Variants in EBF3 observed in about 807,000 individuals in gnomAD.
EBF3 encodes transcription factor COE3.
In EBF3, 18 loss-of-function variants were observed where a neutral mutation model predicts 77.1. That is an observed-to-expected ratio of 0.23 (90% CI 0.16 to 0.35). EBF3 has a LOEUF of 0.35. Among genes scored for constraint, EBF3 ranks in the 10% least tolerant of loss-of-function variants. The pLI is 1.00. For synonymous variants in EBF3, 350 were observed against 343.5 expected (o/e 1.02, Z -0.21); for missense variants, 558 against 860.0 (o/e 0.65, Z 4.39).
At position 129,938,853 on chromosome 10, in the gene EBF3, G is replaced by A. The variant is rs1014773997; in HGVS notation, c.554+18405C>T. On this transcript the variant is annotated intron_variant, in intron 6 of 16. Transcript: ENST00000440978. The surrounding 1 kb of genome is among the most constrained non-coding windows in gnomAD (Gnocchi z 5.1). ...CAGAACTTTGGGGCAGAACCAGGAA[G>A]AACCCACTGCAGGCCTTCTGGATCC... Among the ~76,000 whole-genome samples, 3 of 152,186 alleles carry A rather than the reference G, an allele frequency of 2.0e-5. No individual in the cohort carries two copies. Among genetic ancestry groups the A allele is most frequent in the African/African-American group, 7.2e-5 (3 of 41,444 alleles).
chr10:129,841,044 C>CCCT lies in EBF3; in HGVS notation c.1373-13_1373-12insAGG. 6.3e-7 allele frequency: 1 copy of CCCT among 1,599,490 alleles called. No homozygotes were observed. Among genetic ancestry groups the CCCT allele is most frequent in the East Asian group, 2.2e-5 (1 of 44,716 alleles). ...GCGACTGTAGCCGACTGTTGAAATC[C>CCCT]CCCCCCCGGCCAAAAATAACATTAT... On this transcript the variant is annotated splice_polypyrimidine_tract_variant and intron_variant, in intron 13 of 16. Coordinates refer to ENST00000440978, the MANE Select transcript of EBF3 (RefSeq NM_001375380.1). This position sits in a 1 kb window ranked among gnomAD's most constrained non-coding sequence, Gnocchi z 4.6.
intron 8 of EBF3, 141 bp downstream of exon 8, chr10:129,873,311 A>G (rs1332650246): frequency 9.8e-7 from 1 of 1,019,324 alleles, no homozygotes; most frequent in East Asian, 3.2e-5. Context: ...CCTCGGGGAC[A>G]CCCCCTCATC....
chr10:129,934,340 G>A (rs1564904007), intron 6 of EBF3, among the ~76,000 whole-genome samples: 1 of 152,064 alleles, frequency 6.6e-6, no homozygotes, highest in Non-Finnish European at 1.5e-5. Flanking sequence ...GGTCCAGCGG[G>A]TACTGAGGAG....
chr10:129,897,031 C>T lies in EBF3; in HGVS notation c.555-19182G>A, dbSNP rs949251436. Among the ~76,000 whole-genome samples the T allele has an allele frequency of 2.0e-5, 3 of 152,238 alleles. No individual in the cohort carries two copies. The highest frequency in any genetic ancestry group is 4.4e-5 in the Non-Finnish European group (3 of 68,048). On this transcript the variant is annotated intron_variant, in intron 6 of 16. Transcript: ENST00000440978. This position sits in a 1 kb window ranked among gnomAD's most constrained non-coding sequence, Gnocchi z 4.6. ...ACTAATCAAGCATCGAGGACAGGCA[C>T]CGCCAGCCTGATTGCCAGCCATGGC... is the stretch of plus-strand genomic sequence containing the variant.
At chr10:129,919,404 G>T (rs938703101) in intron 6 of EBF3, among the ~76,000 whole-genome samples, 1 of 152,106 alleles carries the variant, frequency 6.6e-6, no homozygotes, top group East Asian at 1.9e-4. Context: ...GCTGGGGAAG[G>T]TGACGAGGCC....
intron 6 of EBF3, among the ~76,000 whole-genome samples, chr10:129,891,976 C>T (rs1854048412): frequency 6.6e-6 from 1 of 152,232 alleles, no homozygotes; most frequent in African/African-American, 2.4e-5. Context: ...AAACCTTTTC[C>T]TCTCAGCTGA....
At chr10:129,951,082 T>A (rs1176750550) in intron 6 of EBF3, among the ~76,000 whole-genome samples, 1 of 152,234 alleles carries the variant, frequency 6.6e-6, no homozygotes, top group Non-Finnish European at 1.5e-5. Flanking sequence ...GTGAGCCACC[T>A]ATGCCTAGCA....
chr10:129,943,648 G>C lies in EBF3; in HGVS notation c.554+13610C>G, dbSNP rs1338543992. Among the ~76,000 whole-genome samples the C allele has an allele frequency of 1.3e-5, 2 of 152,090 alleles. No homozygotes were observed. Among genetic ancestry groups the C allele is most frequent in the African/African-American group, 2.4e-5 (1 of 41,380 alleles). On this transcript the variant is annotated intron_variant, in intron 6 of 16. Coordinates refer to ENST00000440978, the MANE Select transcript of EBF3 (RefSeq NM_001375380.1). This position sits in a 1 kb window ranked among gnomAD's most constrained non-coding sequence, Gnocchi z 8.8. ...GCACATCCAAAGTTTGAGTGTGTGA[G>C]ACTTTTCCTCATTTATTTTCCTTCA...
rs1851836926 is a variant in EBF3 at position 129,864,209 on chromosome 10, C to T, written c.1039+2932G>A. Reference sequence around the variant, plus strand: ...GCTGGAGGGCAACAGGAACAGGCTACAGACAGGAGAGAGCTGCCCCCTCCC... The same window carrying T: ...GCTGGAGGGCAACAGGAACAGGCTATAGACAGGAGAGAGCTGCCCCCTCCC... On this transcript the variant is annotated intron_variant, in intron 10 of 16. Transcript: ENST00000440978. This position sits in a 1 kb window ranked among gnomAD's most constrained non-coding sequence, Gnocchi z 4.4. 6.6e-6 allele frequency among the ~76,000 whole-genome samples: 1 copy of T among 152,146 alleles called. No homozygotes were observed. Among genetic ancestry groups the T allele is most frequent in the African/African-American group, 2.4e-5 (1 of 41,438 alleles).
At chr10:129,957,377 G>A (rs1448638460) in intron 5 of EBF3, 51 bp from the exon 6 acceptor site, 1 of 1,440,074 alleles carries the variant, frequency 6.9e-7, no homozygotes, top group South Asian at 1.3e-5. Context: ...CCCCTTTTAT[G>A]CCCGACTTGT....
intron 6 of EBF3, among the ~76,000 whole-genome samples, chr10:129,917,251 C>G (rs1855942061): frequency 6.6e-6 from 1 of 152,150 alleles, no homozygotes; most frequent in African/African-American, 2.4e-5. Flanking sequence ...CGCCTGTAGT[C>G]CCAGCTACTT....
chr10:129,894,596 A>G (rs1372476548), intron 6 of EBF3, among the ~76,000 whole-genome samples: 2 of 152,082 alleles, frequency 1.3e-5, no homozygotes, highest in African/African-American at 4.8e-5. Context: ...CTCTGCTTGG[A>G]AGCTCACTGA....
intron 6 of EBF3, among the ~76,000 whole-genome samples, 181 bp downstream of exon 6, chr10:129,957,077 G>A (rs1859092534): frequency 1.3e-5 from 2 of 152,142 alleles, no homozygotes; most frequent in Non-Finnish European, 2.9e-5. Flanking sequence ...CACAGAGCGA[G>A]CCACCAGGTT....
intron 6 of EBF3, among the ~76,000 whole-genome samples, chr10:129,934,504 C>T (rs1857229814): frequency 6.6e-6 from 1 of 152,194 alleles, no homozygotes; most frequent in Non-Finnish European, 1.5e-5. Context: ...TCCCCCAGGT[C>T]CCCCTCCTGC....
rs1291799428 is a variant in EBF3 at position 129,863,439 on chromosome 10, A to G, written c.1039+3702T>C. 4.6e-5 allele frequency among the ~76,000 whole-genome samples: 7 copies of G among 152,306 alleles called. No individual in the cohort carries two copies. The highest frequency in any genetic ancestry group is 3.4e-3 in the Middle Eastern group (1 of 294). On this transcript the variant is annotated intron_variant, in intron 10 of 16. Transcript: ENST00000440978. The surrounding 1 kb of genome is among the most constrained non-coding windows in gnomAD (Gnocchi z 4.0). ...GACTAATAGGGTCTGGTTCAGAAAA[A>G]TCTGGTGTTTCTCAGATCACTGTAA... is the stretch of plus-strand genomic sequence containing the variant.
In EBF3 at chr10:129,859,806, C is replaced by T. The variant is rs145782547; in HGVS notation, c.1039+7335G>A. 5.1e-3 allele frequency among the ~76,000 whole-genome samples: 774 copies of T among 152,308 alleles called. 3 individuals are homozygous for T. Among genetic ancestry groups the T allele is most frequent in the African/African-American group, 0.018 (749 of 41,572 alleles). On this transcript the variant is annotated intron_variant, in intron 10 of 16. Coordinates refer to ENST00000440978, the MANE Select transcript of EBF3 (RefSeq NM_001375380.1). ...GTTAGCACTGGGCCTGATGTCCAGCCGTGTAGATTTGGTGGGAGGGAGCTT... is the reference window on the plus strand; with the variant it reads ...GTTAGCACTGGGCCTGATGTCCAGCTGTGTAGATTTGGTGGGAGGGAGCTT...
At chr10:129,929,049 G>C (rs1317212240) in intron 6 of EBF3, among the ~76,000 whole-genome samples, 2 of 152,172 alleles carry the variant, frequency 1.3e-5, no homozygotes, top group African/African-American at 4.8e-5. Flanking sequence ...CCCTCGGGCT[G>C]TGCTCAGACA....
At chr10:129,918,888 G>C (rs1407218047) in intron 6 of EBF3, among the ~76,000 whole-genome samples, 2 of 152,212 alleles carry the variant, frequency 1.3e-5, no homozygotes, top group Admixed American at 6.5e-5. Context: ...TCCCTGAAAC[G>C]TGGCATGTAG....
At chr10:129,945,601 C>T (rs1470053682) in intron 6 of EBF3, among the ~76,000 whole-genome samples, 1 of 152,212 alleles carries the variant, frequency 6.6e-6, no homozygotes, top group Non-Finnish European at 1.5e-5. Context: ...CTAGCAGAAG[C>T]GGTGCAGGAT....
Sources: gnomAD v4.1 joint callset for allele counts (sites outside exome capture counted in the v4.1 genomes callset) on GRCh38, gnomAD v4.1.1 for gene constraint, Gnocchi (gnomAD v3.1) non-coding constraint, MANE v1.5 for transcripts, NCBI Gene and HGNC (gene_info 2026-07-23, HGNC 2026-07-21) for gene names.